TBL1XR1: variants seen among roughly 807,000 people sequenced by gnomAD.
TBL1XR1 encodes the protein F-box-like/WD repeat-containing protein TBL1XR1.
In TBL1XR1, 5 loss-of-function variants were observed where a neutral mutation model predicts 66.9. The observed-to-expected ratio is 0.07, with a 90% CI of 0.04 to 0.16. The LOEUF is 0.16. TBL1XR1 is among the 10% of genes least tolerant of loss of function. The pLI is 1.00. For missense variants in TBL1XR1, 238 were observed against 623.2 expected, an observed-to-expected ratio of 0.38 and a Z score of 6.58; for synonymous variants, 210 against 206.0, an observed-to-expected ratio of 1.02 and a Z score of -0.17.
intron 1 of TBL1XR1, among the ~76,000 whole-genome samples, chr3:177,186,013 A>G (rs1220360596): frequency 1.3e-5 from 2 of 152,020 alleles, no homozygotes; most frequent in Admixed American, 1.3e-4. Flanking sequence ...CCTGCCTCAA[A>G]TAAATAAATA....
At chr3:177,096,731 T>A (rs929786826) in intron 2 of TBL1XR1, among the ~76,000 whole-genome samples, 1 of 152,210 alleles carries the variant, frequency 6.6e-6, no homozygotes, top group African/African-American at 2.4e-5. Flanking sequence ...GTTTCTTTCA[T>A]GAGAAACTCT....
chr3:177,089,615 T>G (rs1722579624), intron 2 of TBL1XR1, among the ~76,000 whole-genome samples: 1 of 152,192 alleles, frequency 6.6e-6, no homozygotes, highest in Non-Finnish European at 1.5e-5. Flanking sequence ...AGGGTCTGGT[T>G]CCTCAAGAAT....
intron 1 of TBL1XR1, among the ~76,000 whole-genome samples, chr3:177,194,629 A>C (rs1440615954): frequency 6.6e-6 from 1 of 152,194 alleles, no homozygotes; most frequent in African/African-American, 2.4e-5. Context: ...AGATTTAATC[A>C]ACAAGTTGAT....
intron 4 of TBL1XR1, 137 bp from the exon 5 acceptor site, chr3:177,051,863 G>T (rs1017187367): frequency 5.5e-6 from 6 of 1,098,768 alleles, no homozygotes; most frequent in Non-Finnish European, 7.6e-6. Flanking sequence ...ATTCATATAA[G>T]AAGTCCGGAG....
At position 177,022,339 on chromosome 3, in the gene TBL1XR1, A is replaced by C. The variant is rs1328732569; in HGVS notation, c.*3159T>G. ...CATACTTACCTAGAGAATAATTAAA[A>C]CAGAATTCAATACAATCTAGTATCT... On this transcript the variant is annotated 3_prime_UTR_variant, in exon 16 of 16. Transcript: ENST00000457928. The C allele has an allele frequency of 1.3e-5, 2 of 152,666 alleles. No individual in the cohort carries two copies. The highest frequency in any genetic ancestry group is 4.1e-4 in the South Asian group (2 of 4,832). The allele number at this position is 152,666 out of a possible 1,614,324, so 9.5% of individuals were successfully genotyped here.
intron 1 of TBL1XR1, among the ~76,000 whole-genome samples, chr3:177,130,109 CACTCCAGCCTGGGCGACAGACTGAG>C (rs1237961529): frequency 7.0e-6 from 1 of 142,710 alleles, no homozygotes; most frequent in Non-Finnish European, 1.5e-5. Flanking sequence ...CACGCCACTG[CACTCCAGCCTGGGCGACAGACTGAG>C]ACTCCATCTC....
chr3:177,189,649 C>CAAAA lies in TBL1XR1; in HGVS notation c.-122+7468_-122+7471dup, dbSNP rs761647251. 1.3e-3 allele frequency among the ~76,000 whole-genome samples: 61 copies of CAAAA among 45,220 alleles called. 1 individual carries two copies. The highest frequency in any genetic ancestry group is 4.7e-3 in the African/African-American group (55 of 11,614). The allele number at this position is 45,220 out of a possible 152,430, so 29.7% of individuals were successfully genotyped here. A position where few individuals can be genotyped will look rare whatever the true frequency, so the allele number is the denominator to read the frequency against. On this transcript the variant is annotated intron_variant, in intron 1 of 15. Coordinates refer to ENST00000457928, the MANE Select transcript of TBL1XR1 (RefSeq NM_024665.7). Reference sequence around the variant, plus strand: ...TGGGAGACAGAGCAAGACTCCATCTCAAAAAAAAAAAAAAAAGAAGGATGT... The same window carrying CAAAA: ...TGGGAGACAGAGCAAGACTCCATCTCAAAAAAAAAAAAAAAAAAAAGAAGGATGT...
intron 7 of TBL1XR1, among the ~76,000 whole-genome samples, chr3:177,048,271 A>G (rs1034161115): frequency 5.9e-5 from 9 of 152,210 alleles, no homozygotes; most frequent in Non-Finnish European, 1.0e-4. Flanking sequence ...ATTGTGTAAT[A>G]AAAGGACAGA....
At chr3:177,105,134 A>T (rs1054281137) in intron 1 of TBL1XR1, among the ~76,000 whole-genome samples, 2 of 152,220 alleles carry the variant, frequency 1.3e-5, no homozygotes, top group Admixed American at 6.5e-5. Context: ...ACTAATATAA[A>T]AATGTATCTA....
chr3:177,057,084 T>A lies in TBL1XR1; in HGVS notation c.59-3166A>T, dbSNP rs145759060. 5.6e-3 allele frequency among the ~76,000 whole-genome samples: 858 copies of A among 152,256 alleles called. 5 individuals carry two copies. The highest frequency in any genetic ancestry group is 0.02 in the African/African-American group (813 of 41,546). ...GTTTCTGTAATCTGGCTCTTCTGTC[T>A]CTCCAGTCTCATCTCAATACTACAC... is the stretch of plus-strand genomic sequence containing the variant. On this transcript the variant is annotated intron_variant, in intron 3 of 15. Transcript: ENST00000457928.
In TBL1XR1 at chr3:177,166,874, G is replaced by A. The variant is rs115141605; in HGVS notation, c.-122+30247C>T. Among the ~76,000 whole-genome samples, 1,193 of 152,332 alleles carry A rather than the reference G, an allele frequency of 7.8e-3. 10 individuals are homozygous for A. Among genetic ancestry groups the A allele is most frequent in the Non-Finnish European group, 0.013 (859 of 68,020 alleles). ...AAATGCTGGTGAAGATGTGGAGCAAGAGGACTCTCATTCATTGCTGGTGCA... is the reference window on the plus strand; with the variant it reads ...AAATGCTGGTGAAGATGTGGAGCAAAAGGACTCTCATTCATTGCTGGTGCA... On this transcript the variant is annotated intron_variant, in intron 1 of 15. Transcript: ENST00000457928.
At chr3:177,112,120 T>G (rs1487403364) in intron 1 of TBL1XR1, among the ~76,000 whole-genome samples, 5 of 125,144 alleles carry the variant, frequency 4.0e-5, no homozygotes, top group African/African-American at 1.4e-4. Flanking sequence ...TTTTTTTTTT[T>G]TTTTTGTGAG....
intron 12 of TBL1XR1, among the ~76,000 whole-genome samples, chr3:177,036,663 A>T (rs1360262057): frequency 6.6e-6 from 1 of 152,204 alleles, no homozygotes; most frequent in African/African-American, 2.4e-5. Flanking sequence ...TGAAAGCATT[A>T]AGAAGAGTAT....
chr3:177,154,721 A>G (rs1187483525), intron 1 of TBL1XR1, among the ~76,000 whole-genome samples: 1 of 152,188 alleles, frequency 6.6e-6, no homozygotes, highest in Non-Finnish European at 1.5e-5. Context: ...AAGAAATCAT[A>G]TTTAGAGTTG....
chr3:177,107,356 A>C (rs1725008315), intron 1 of TBL1XR1, among the ~76,000 whole-genome samples: 1 of 152,222 alleles, frequency 6.6e-6, no homozygotes, highest in African/African-American at 2.4e-5. Context: ...CTTTAATTTC[A>C]TATTTTGAAA....
chr3:177,037,772 TCATCCATCCATCCATCCATC>T (rs71170848), intron 12 of TBL1XR1: 11 of 183,472 alleles, frequency 6.0e-5, no homozygotes, highest in African/African-American at 2.0e-4. Flanking sequence ...AGTAAATCTC[TCATCCATCCATCCATCCATC>T]CATCCATCCA....
intron 1 of TBL1XR1, among the ~76,000 whole-genome samples, chr3:177,146,747 C>T (rs1036670567): frequency 1.3e-5 from 2 of 151,964 alleles, no homozygotes; most frequent in African/African-American, 4.8e-5. Context: ...GCAACAAATA[C>T]CGTCCGTTGT....
intron 2 of TBL1XR1, among the ~76,000 whole-genome samples, chr3:177,080,404 C>G (rs1245308143): frequency 6.6e-6 from 1 of 152,094 alleles, no homozygotes; most frequent in Non-Finnish European, 1.5e-5. Flanking sequence ...GTGCCCATAA[C>G]TGCCCCTGAT....
intron 1 of TBL1XR1, among the ~76,000 whole-genome samples, chr3:177,153,860 A>G (rs888823850): frequency 1.7e-4 from 26 of 149,828 alleles, no homozygotes; most frequent in Non-Finnish European, 3.3e-4. Context: ...CTGGGCAACA[A>G]GAGCAAAACT....
Sources: gnomAD v4.1 joint callset for allele counts (sites outside exome capture counted in the v4.1 genomes callset) on GRCh38, gnomAD v4.1.1 for gene constraint, MANE v1.5 for transcripts, NCBI Gene and HGNC (gene_info 2026-07-23, HGNC 2026-07-21) for gene names.